Variants in DACH1 observed in about 807,000 individuals in gnomAD.
The protein encoded by DACH1 is dachshund homolog 1.
DACH1 carries 12 observed loss-of-function variants against 54.2 expected under a neutral mutation model. That is an observed-to-expected ratio of 0.22 (90% confidence interval 0.14 to 0.36). The LOEUF (loss-of-function observed/expected upper bound fraction) is 0.36, where lower values mean the gene tolerates loss of function less well. DACH1 is among the 10% of genes least tolerant of loss of function. The pLI, the probability that DACH1 is intolerant of heterozygous loss-of-function variation, is 1.00. For missense variants in DACH1, 805 were observed against 929.8 expected, an observed-to-expected ratio of 0.87 and a Z score of 1.75; for synonymous variants, 386 against 366.2, an observed-to-expected ratio of 1.05 and a Z score of -0.62.
chr13:71,592,013 T>A (rs1405507235), intron 3 of DACH1, among the ~76,000 whole-genome samples: 1 of 152,178 alleles, frequency 6.6e-6, no homozygotes, highest in Non-Finnish European at 1.5e-5. Context: ...TTATTCATTG[T>A]GAGGTAGCAG....
chr13:71,692,076 G>C (rs774204410), intron 1 of DACH1, among the ~76,000 whole-genome samples: 1 of 151,154 alleles, frequency 6.6e-6, no homozygotes, highest in Non-Finnish European at 1.5e-5. Context: ...TGTAATGAAG[G>C]CTGAAGTACT....
chr13:71,613,297 AAAGGGGAAGAATAACCC>A (rs1199196894), intron 3 of DACH1, among the ~76,000 whole-genome samples: 1 of 152,196 alleles, frequency 6.6e-6, no homozygotes, highest in Non-Finnish European at 1.5e-5. Flanking sequence ...GGAAGAATGA[AAAGGGGAAGAATAACCC>A]AAGAGTTTTG....
intron 3 of DACH1, among the ~76,000 whole-genome samples, chr13:71,586,293 G>A (rs955479203): frequency 1.3e-5 from 2 of 152,060 alleles, no homozygotes; most frequent in African/African-American, 4.8e-5. Flanking sequence ...AGTTGGAGAT[G>A]CTAAAAAGGG....
At chr13:71,693,820 G>T (rs1881662454) in intron 1 of DACH1, among the ~76,000 whole-genome samples, 1 of 151,984 alleles carries the variant, frequency 6.6e-6, no homozygotes. Context: ...ATCCTAGGTA[G>T]GCATGGGTGT....
intron 1 of DACH1, among the ~76,000 whole-genome samples, chr13:71,777,263 A>G (rs1886102474): frequency 6.6e-6 from 1 of 152,042 alleles, no homozygotes; most frequent in South Asian, 2.1e-4. Context: ...GTATAGCCTT[A>G]AAGAGACAGG....
intron 3 of DACH1, among the ~76,000 whole-genome samples, chr13:71,591,160 T>C (rs1873684672): frequency 6.6e-6 from 1 of 152,058 alleles, no homozygotes. Context: ...ATTACAGGCA[T>C]GAGCTGTTGC....
rs1340139038 is a variant in DACH1, at chr13:71,495,350, G to T, written c.1571-6202C>A. Among the ~76,000 whole-genome samples the T allele has an allele frequency of 4.0e-5, 6 of 151,850 alleles. No homozygotes were observed. The East Asian group carries it at 1.2e-3, about 29-fold the overall frequency. On this transcript the variant is annotated intron_variant, in intron 6 of 10. Transcript: ENST00000613252. Reference sequence around the variant, plus strand: ...AGAATAAAATAGTTTCCATACAGAAGTAAACAATTACTTATAAAAATATAA... The same window carrying T: ...AGAATAAAATAGTTTCCATACAGAATTAAACAATTACTTATAAAAATATAA...
At chr13:71,653,076 T>A (rs1013081228) in intron 2 of DACH1, among the ~76,000 whole-genome samples, 21 of 152,204 alleles carry the variant, frequency 1.4e-4, no homozygotes, top group African/African-American at 5.1e-4. Context: ...TTAAACTGTA[T>A]GAAATTGCTG....
chr13:71,690,284 C>T (rs74097002), intron 1 of DACH1, among the ~76,000 whole-genome samples: 11,760 of 152,214 alleles, frequency 0.077, 1,122 homozygotes, highest in East Asian at 0.25. Context: ...CTATAGCATA[C>T]ATTATGCATC....
chr13:71,814,225 T>C (rs564175222), intron 1 of DACH1, among the ~76,000 whole-genome samples: 2 of 152,340 alleles, frequency 1.3e-5, no homozygotes, highest in African/African-American at 4.8e-5. Flanking sequence ...ACTTTCTGGT[T>C]GCTGCCACAA....
chr13:71,813,925 T>A (rs1354017549), intron 1 of DACH1, among the ~76,000 whole-genome samples: 1 of 152,172 alleles, frequency 6.6e-6, no homozygotes, highest in African/African-American at 2.4e-5. Context: ...GGCAAAATGA[T>A]GGCTTAAATG....
At chr13:71,495,466 G>C (rs935101012) in intron 6 of DACH1, among the ~76,000 whole-genome samples, 9 of 151,958 alleles carry the variant, frequency 5.9e-5, no homozygotes, top group African/African-American at 2.2e-4. Context: ...TATTAAATTG[G>C]AGTAGAAGTA....
chr13:71,634,119 C>T (rs1160947207), intron 2 of DACH1, among the ~76,000 whole-genome samples: 1 of 151,866 alleles, frequency 6.6e-6, no homozygotes, highest in African/African-American at 2.4e-5. Context: ...ATTACATGCA[C>T]CCACCACCAT....
rs993139302 is a variant in DACH1 at position 71,440,314 on chromosome 13, A to AAT, written c.*339_*340dup. On this transcript the variant is annotated 3_prime_UTR_variant, in exon 11 of 11. Transcript: ENST00000613252. ...AGATACAGAATTTTCAGAAGAGGAA[A>AAT]ATGGTTCATTCCATTAGAAAAAAAC... is the stretch of plus-strand genomic sequence containing the variant. 2 of 205,326 alleles carry AAT rather than the reference A, an allele frequency of 9.7e-6. No individual in the cohort carries two copies. Among genetic ancestry groups the AAT allele is most frequent in the African/African-American group, 4.7e-5 (2 of 42,200 alleles). The allele number at this position is 205,326 out of a possible 1,614,324, so 12.7% of individuals were successfully genotyped here.
chr13:71,809,694 A>G (rs1307864184), intron 1 of DACH1, among the ~76,000 whole-genome samples: 1 of 152,190 alleles, frequency 6.6e-6, no homozygotes, highest in East Asian at 1.9e-4. Context: ...TTTGATAATA[A>G]CTTCACAGCA....
intron 2 of DACH1, among the ~76,000 whole-genome samples, chr13:71,663,184 T>C (rs909402187): frequency 6.7e-6 from 1 of 148,454 alleles, no homozygotes; most frequent in Non-Finnish European, 1.5e-5. Context: ...GTGTAACTTC[T>C]CCAATTGAGA....
At chr13:71,711,100 A>G (rs939477447) in intron 1 of DACH1, among the ~76,000 whole-genome samples, 2 of 152,200 alleles carry the variant, frequency 1.3e-5, no homozygotes, top group African/African-American at 4.8e-5. Flanking sequence ...ATACACGTTT[A>G]GGTCATACAC....
At chr13:71,810,020 T>C (rs902126922) in intron 1 of DACH1, among the ~76,000 whole-genome samples, 3 of 152,124 alleles carry the variant, frequency 2.0e-5, no homozygotes, top group Admixed American at 2.0e-4. Context: ...GAGAACTGAA[T>C]CACTGTCCTG....
intron 1 of DACH1, among the ~76,000 whole-genome samples, chr13:71,744,724 A>G (rs1168791458): frequency 6.6e-6 from 1 of 152,248 alleles, no homozygotes; most frequent in African/African-American, 2.4e-5. Flanking sequence ...TATGAAAACT[A>G]TAAATCAAAT....
Sources: allele counts gnomAD v4.1 joint callset (sites outside exome capture counted in the v4.1 genomes callset), GRCh38; gene constraint gnomAD v4.1.1; transcripts MANE v1.5; gene names NCBI Gene and HGNC (gene_info 2026-07-23, HGNC 2026-07-21).